The following CD2AP variants were observed in gnomAD, a reference collection of about 807,000 sequenced individuals.
CD2AP encodes CD2 associated protein, also known as CD2-associated protein.
Under a neutral mutation model 85.1 loss-of-function variants are expected in CD2AP, and 46 were observed. The ratio of observed to expected loss-of-function variants is 0.54; its 90% CI spans 0.43 to 0.69. The LOEUF is 0.69. Ranked by LOEUF, CD2AP falls within the 30% of genes least tolerant of loss-of-function variation. The pLI, the probability that CD2AP is intolerant of heterozygous loss-of-function variation, is 0.00. For missense variants in CD2AP, 769 were observed against 729.5 expected (o/e 1.05, Z -0.62); for synonymous variants, 255 against 252.9 (o/e 1.01, Z -0.08).
intron 3 of CD2AP, among the ~76,000 whole-genome samples, chr6:47,539,841 A>T (rs191124353): frequency 2.4e-4 from 37 of 152,148 alleles, no homozygotes; most frequent in Admixed American, 3.9e-4. Context: ...TGTACAATTA[A>T]TTTTTTTGTA....
chr6:47,576,646 A>G lies in CD2AP; in HGVS notation c.808+44A>G, dbSNP rs747522110. The G allele has an allele frequency of 1.8e-5, 24 of 1,318,850 alleles. 1 individual carries two copies. The highest frequency in any genetic ancestry group is 2.1e-4 in the Middle Eastern group (1 of 4,750). The allele number at this position is 1,318,850 out of a possible 1,614,324, so 81.7% of individuals were successfully genotyped here. ...CTTTCATATTGGGAATAGTAGAAAC[A>G]TACTCAAATGTATTAAGAGACTTGT... is the stretch of plus-strand genomic sequence containing the variant. On this transcript the variant is annotated intron_variant, in intron 7 of 17. Transcript: ENST00000359314.
In CD2AP at chr6:47,595,932, C is replaced by T. The variant is rs148125704; in HGVS notation, c.1180C>T (p.Pro394Ser). 1.2e-6 allele frequency: 2 copies of T among 1,612,682 alleles called. No individual in the cohort carries two copies. The highest frequency in any genetic ancestry group is 8.5e-7 in the Non-Finnish European group (1 of 1,178,874). The change falls in exon 12 of 18, where the codon CCA becomes TCA. Residue 394 changes from proline to serine, a missense_variant. Transcript: ENST00000359314. ...APQVPPKKPT[P>S]PTKASNLLRS... ...ACAAGTCCCACCCAAGAAACCTACT[C>T]CACCTACCAAAGCCAGTAATTTACT...
intron 1 of CD2AP, 28 bp downstream of exon 1, chr6:47,478,276 C>T (rs1216658193): frequency 6.4e-7 from 1 of 1,566,900 alleles, no homozygotes; most frequent in African/African-American, 1.4e-5. Context: ...TTCCCGCCGC[C>T]CGTCCGGACC....
Position 47,531,988 on chromosome 6 carries a change from G to T in CD2AP, c.166-1614G>T, listed in dbSNP as rs549383854. On this transcript the variant is annotated intron_variant, in intron 2 of 17. Coordinates refer to ENST00000359314, the MANE Select transcript of CD2AP (RefSeq NM_012120.3). ...CTCAGGAGGCTGAGGCAGGAGAATT[G>T]CTTGAACCCAGGAGGCGGAGGTTGC... Among the ~76,000 whole-genome samples, 63 of 151,992 alleles carry T rather than the reference G, an allele frequency of 4.1e-4. 2 individuals are homozygous for T. The South Asian group carries it at 9.6e-3, about 23-fold the overall frequency.
intron 2 of CD2AP, among the ~76,000 whole-genome samples, chr6:47,525,954 T>A (rs959858658): frequency 2.0e-5 from 3 of 152,162 alleles, no homozygotes; most frequent in African/African-American, 4.8e-5. Flanking sequence ...GCTTTCCAAG[T>A]GAGGACTCTT....
chr6:47,548,490 T>G (rs1440934854), intron 4 of CD2AP, among the ~76,000 whole-genome samples: 1 of 152,132 alleles, frequency 6.6e-6, no homozygotes, highest in East Asian at 1.9e-4. Context: ...ACAATCCTCC[T>G]TGATTAAATC....
chr6:47,479,206 T>C (rs940353537), intron 1 of CD2AP, among the ~76,000 whole-genome samples: 7 of 152,246 alleles, frequency 4.6e-5, no homozygotes, highest in Non-Finnish European at 1.0e-4. Context: ...AGTTTGATTT[T>C]TGTAGAGCAA....
intron 1 of CD2AP, among the ~76,000 whole-genome samples, chr6:47,495,889 A>G (rs1334920031): frequency 1.3e-5 from 2 of 152,180 alleles, no homozygotes; most frequent in Admixed American, 6.5e-5. Flanking sequence ...TAAAAACCTG[A>G]TGTTAATAAC....
intron 1 of CD2AP, among the ~76,000 whole-genome samples, chr6:47,496,512 A>G (rs531173654): frequency 7.0e-4 from 107 of 152,348 alleles, no homozygotes; most frequent in African/African-American, 2.0e-3. Flanking sequence ...CTTTGAGTCA[A>G]TGAACTTCTT....
Position 47,609,117 on chromosome 6 carries a change from T to A in CD2AP, c.1633-6T>A, listed in dbSNP as rs886061522. On this transcript the variant is annotated splice_region_variant and splice_polypyrimidine_tract_variant and intron_variant, in intron 15 of 17. Transcript: ENST00000359314. ...AAAATCAGAAATTTTTTTTTTACGTTTTCAGCCATCTGTGTACCTTTCAAC... is the reference window on the plus strand; with the variant it reads ...AAAATCAGAAATTTTTTTTTTACGTATTCAGCCATCTGTGTACCTTTCAAC... 2 of 1,591,796 alleles carry A rather than the reference T, an allele frequency of 1.3e-6. No individual in the cohort carries two copies. The highest frequency in any genetic ancestry group is 8.5e-7 in the Non-Finnish European group (1 of 1,171,422).
In CD2AP at chr6:47,489,036, A is replaced by G. The variant is rs1765651302; in HGVS notation, c.4+10788A>G. 3.9e-5 allele frequency: 6 copies of G among 152,174 alleles called. No homozygotes were observed. The South Asian group carries it at 1.2e-3, about 32-fold the overall frequency. The allele number at this position is 152,174 out of a possible 1,614,324, so 9.4% of individuals were successfully genotyped here. On this transcript the variant is annotated intron_variant, in intron 1 of 17. Transcript: ENST00000359314. The stretch of plus-strand genomic sequence containing the variant: ...TTCTTACAAGTTCTTGTAGTTGTCT[A>G]TATAACTTAATTATGTTTTAAAAAT...
intron 3 of CD2AP, among the ~76,000 whole-genome samples, chr6:47,538,925 A>G (rs987628921): frequency 6.6e-6 from 1 of 152,226 alleles, no homozygotes; most frequent in Non-Finnish European, 1.5e-5. Flanking sequence ...CTGAAATTTC[A>G]CACAATTTGG....
intron 4 of CD2AP, among the ~76,000 whole-genome samples, chr6:47,546,466 G>A (rs1157212930): frequency 5.3e-5 from 8 of 152,114 alleles, no homozygotes; most frequent in African/African-American, 1.4e-4. Flanking sequence ...CCTTGCTACA[G>A]ACCTAGACAT....
chr6:47,492,347 CTTTTTTTTTTT>C (rs70999626), intron 1 of CD2AP, among the ~76,000 whole-genome samples: 5 of 95,512 alleles, frequency 5.2e-5, no homozygotes, highest in South Asian at 3.9e-4. Context: ...CACCTGTAAT[CTTTTTTTTTTT>C]TTTTTTTTTT....
intron 5 of CD2AP, among the ~76,000 whole-genome samples, chr6:47,573,750 G>C (rs1582576717): frequency 1.3e-5 from 2 of 151,952 alleles, no homozygotes; most frequent in African/African-American, 4.8e-5. Flanking sequence ...CAGCCTCCCA[G>C]AGTGCTGGGA....
chr6:47,495,725 G>A (rs1363541788), intron 1 of CD2AP, among the ~76,000 whole-genome samples: 1 of 152,200 alleles, frequency 6.6e-6, no homozygotes, highest in Non-Finnish European at 1.5e-5. Context: ...TTTCTTGTAA[G>A]GGTGGGAGTG....
At chr6:47,548,469 C>T (rs1767426315) in intron 4 of CD2AP, among the ~76,000 whole-genome samples, 1 of 152,172 alleles carries the variant, frequency 6.6e-6, no homozygotes, top group South Asian at 2.1e-4. Flanking sequence ...TGGCTGAATT[C>T]CTGTAAAGAT....
intron 3 of CD2AP, among the ~76,000 whole-genome samples, chr6:47,543,032 T>A (rs946829138): frequency 6.7e-6 from 1 of 149,920 alleles, no homozygotes; most frequent in Non-Finnish European, 1.5e-5. Flanking sequence ...TCACCTGTAA[T>A]CCCAGCTACT....
At chr6:47,553,547 G>C (rs1582551290) in intron 4 of CD2AP, among the ~76,000 whole-genome samples, 1 of 119,706 alleles carries the variant, frequency 8.4e-6, no homozygotes, top group Non-Finnish European at 1.7e-5. Context: ...TGTATTTTTA[G>C]TAGAGGTGGG....
Sources: allele counts gnomAD v4.1 joint callset (sites outside exome capture counted in the v4.1 genomes callset), GRCh38; gene constraint gnomAD v4.1.1; transcripts MANE v1.5; gene names NCBI Gene and HGNC (gene_info 2026-07-23, HGNC 2026-07-21).